The following DCDC2 variants were observed in gnomAD, a reference collection of about 807,000 sequenced individuals.
DCDC2 encodes the protein doublecortin domain containing 2, also known as doublecortin domain-containing protein 2.
A neutral mutation model predicts 50.2 loss-of-function variants in DCDC2; 40 were observed. The observed-to-expected ratio is 0.80, with a 90% CI of 0.62 to 1.04. The LOEUF (loss-of-function observed/expected upper bound fraction) is 1.04, where lower values mean the gene tolerates loss of function less well. Ranked by LOEUF, DCDC2 falls within the 50% of genes least tolerant of loss-of-function variation. The probability of loss-of-function intolerance (pLI) is 0.00; values close to 1 mark genes in which losing one functional copy is unlikely to be tolerated. For missense variants in DCDC2, 570 were observed against 581.9 expected, an observed-to-expected ratio of 0.98 and a Z score of 0.21; for synonymous variants, 234 against 210.6, an observed-to-expected ratio of 1.11 and a Z score of -0.96.
chr6:24,335,316 G>T (rs1428226337), intron 2 of DCDC2, among the ~76,000 whole-genome samples: 2 of 152,154 alleles, frequency 1.3e-5, no homozygotes, highest in East Asian at 3.9e-4. Flanking sequence ...AGAGACTTGA[G>T]GTTGCCTCCT....
intron 7 of DCDC2, among the ~76,000 whole-genome samples, chr6:24,213,493 C>T (rs890193162): frequency 3.3e-5 from 5 of 152,164 alleles, no homozygotes; most frequent in Admixed American, 3.3e-4. Flanking sequence ...TAAGGCAATA[C>T]TCTTTATGTG....
chr6:24,224,308 A>C (rs1317887512), intron 7 of DCDC2, among the ~76,000 whole-genome samples: 1 of 152,192 alleles, frequency 6.6e-6, no homozygotes, highest in African/African-American at 2.4e-5. Flanking sequence ...TAGACTCTAA[A>C]GATACAAAGA....
At position 24,290,980 on chromosome 6, in the gene DCDC2, G is replaced by C; in HGVS notation, c.656C>G (p.Pro219Arg). The C allele has an allele frequency of 6.2e-7, 1 of 1,613,956 alleles. No individual in the cohort carries two copies. Among genetic ancestry groups the C allele is most frequent in the Middle Eastern group, 1.7e-4 (1 of 6,060 alleles). Reference protein sequence around the residue: ...AVGRDKFKKLPYSELLFDKST... With the variant: ...AVGRDKFKKLRYSELLFDKST... ...CTTGTCAAAAAGTAACTCACTGTAAGGCAGTTTCTTAAACTTATCTCTGCC... is the reference window on the plus strand; with the variant it reads ...CTTGTCAAAAAGTAACTCACTGTAACGCAGTTTCTTAAACTTATCTCTGCC... The change falls in exon 5 of 10, where the codon CCT becomes CGT. Residue 219 changes from proline (P) to arginine (R), a missense_variant. Coordinates refer to ENST00000378454, the MANE Select transcript of DCDC2 (RefSeq NM_016356.5).
chr6:24,210,312 T>A (rs1331096160), intron 7 of DCDC2, among the ~76,000 whole-genome samples: 1 of 152,148 alleles, frequency 6.6e-6, no homozygotes, highest in East Asian at 1.9e-4. Flanking sequence ...TCCCAAAACA[T>A]ATATATCTAT....
chr6:24,347,858 C>T (rs1239769658), intron 2 of DCDC2, among the ~76,000 whole-genome samples: 1 of 152,190 alleles, frequency 6.6e-6, no homozygotes, highest in Non-Finnish European at 1.5e-5. Context: ...TTTTAAATTA[C>T]TTGAGACGTC....
chr6:24,282,067 A>C (rs1763486250), intron 6 of DCDC2, among the ~76,000 whole-genome samples: 1 of 152,128 alleles, frequency 6.6e-6, no homozygotes, highest in Non-Finnish European at 1.5e-5. Context: ...GAAGCAGCCT[A>C]ATTTGACAGG....
chr6:24,223,617 A>G (rs1240318994), intron 7 of DCDC2, among the ~76,000 whole-genome samples: 1 of 152,256 alleles, frequency 6.6e-6, no homozygotes, highest in Non-Finnish European at 1.5e-5. Context: ...AGAAAATTCT[A>G]CATTAAGTAA....
chr6:24,305,285 C>T (rs1759451086), intron 2 of DCDC2, among the ~76,000 whole-genome samples: 1 of 152,034 alleles, frequency 6.6e-6, no homozygotes. Context: ...CAAAAGTGTT[C>T]CCCAAATGTT....
At chr6:24,177,643 G>A (rs954606523) in intron 9 of DCDC2, among the ~76,000 whole-genome samples, 14 of 152,292 alleles carry the variant, frequency 9.2e-5, no homozygotes, top group Admixed American at 2.6e-4. Flanking sequence ...ATATTGTCCC[G>A]TGGAAGAATG....
chr6:24,255,378 A>C (rs1357130902), intron 7 of DCDC2, among the ~76,000 whole-genome samples: 2 of 152,072 alleles, frequency 1.3e-5, no homozygotes, highest in Non-Finnish European at 2.9e-5. Flanking sequence ...CTGAAAAAAA[A>C]AAAAGGAAAA....
intron 2 of DCDC2, among the ~76,000 whole-genome samples, chr6:24,335,990 G>A (rs530411474): frequency 6.6e-5 from 10 of 152,242 alleles, no homozygotes; most frequent in Non-Finnish European, 8.8e-5. Flanking sequence ...AGGCTTTTAC[G>A]CCAGTACTGA....
the DCDC2 span, among the ~76,000 whole-genome samples, chr6:24,375,327 C>T: frequency 1.3e-5 from 2 of 152,012 alleles, no homozygotes; most frequent in South Asian, 2.1e-4. Context: ...CCTATGAGGC[C>T]GGGTCACTCA....
chr6:24,344,012 C>T (rs529138931), intron 2 of DCDC2, among the ~76,000 whole-genome samples: 33 of 152,062 alleles, frequency 2.2e-4, no homozygotes, highest in Non-Finnish European at 3.4e-4. Context: ...TTCAAATATA[C>T]GGTATTATTA....
intron 7 of DCDC2, among the ~76,000 whole-genome samples, chr6:24,212,635 A>G (rs1337436222): frequency 1.3e-5 from 2 of 152,212 alleles, no homozygotes; most frequent in African/African-American, 4.8e-5. Context: ...CTCTCATTCA[A>G]TTACTACGTG....
At chr6:24,373,604 G>T in the DCDC2 span, among the ~76,000 whole-genome samples, 3 of 152,162 alleles carry the variant, frequency 2.0e-5, no homozygotes, top group African/African-American at 7.2e-5. Context: ...CAGGATAGTG[G>T]TGACCCATCG....
chr6:24,302,814 C>T (rs1759406281), intron 2 of DCDC2, among the ~76,000 whole-genome samples: 3 of 152,086 alleles, frequency 2.0e-5, no homozygotes, highest in Admixed American at 2.0e-4. Flanking sequence ...CCATTTCCCA[C>T]AGTGGATAGT....
In DCDC2 at chr6:24,182,040, G is replaced by C. The variant is rs78236185; in HGVS notation, c.1024-3408C>G. ...TATACGGTCAAATGGTTCTGATAAGGGTGCCAACACCATTCAGTAGGGAAA... is the reference window on the plus strand; with the variant it reads ...TATACGGTCAAATGGTTCTGATAAGCGTGCCAACACCATTCAGTAGGGAAA... On this transcript the variant is annotated intron_variant, in intron 8 of 9. Coordinates refer to ENST00000378454, the MANE Select transcript of DCDC2 (RefSeq NM_016356.5). Among the ~76,000 whole-genome samples the C allele has an allele frequency of 3.3e-3, 501 of 152,230 alleles. 4 individuals are homozygous for C. The highest frequency in any genetic ancestry group is 0.012 in the African/African-American group (480 of 41,536).
At chr6:24,214,981 A>C (rs76267711) in intron 7 of DCDC2, among the ~76,000 whole-genome samples, 1 of 152,238 alleles carries the variant, frequency 6.6e-6, no homozygotes, top group Non-Finnish European at 1.5e-5. Flanking sequence ...CCAGCCACAG[A>C]AAGATGAACA....
chr6:24,284,745 C>T (rs1260586520), intron 6 of DCDC2, among the ~76,000 whole-genome samples: 2 of 152,102 alleles, frequency 1.3e-5, no homozygotes, highest in East Asian at 1.9e-4. Context: ...CCTGCCTCTC[C>T]GATTTCATTC....
Sources: gnomAD v4.1 joint callset for allele counts (sites outside exome capture counted in the v4.1 genomes callset) on GRCh38, gnomAD v4.1.1 for gene constraint, MANE v1.5 for transcripts, NCBI Gene and HGNC (gene_info 2026-07-23, HGNC 2026-07-21) for gene names.